Variants in MCMDC2 observed in about 807,000 individuals in gnomAD.
MCMDC2 encodes the protein minichromosome maintenance domain containing 2, also known as minichromosome maintenance domain-containing protein 2.
Under a neutral mutation model 75.8 loss-of-function variants are expected in MCMDC2, and 54 were observed. The observed-to-expected ratio is 0.71, with a 90% confidence interval of 0.57 to 0.89. The LOEUF (loss-of-function observed/expected upper bound fraction) is 0.89, where lower values mean the gene tolerates loss of function less well. MCMDC2 is among the 40% of genes least tolerant of loss of function. MCMDC2 has a pLI of 0.00. For synonymous variants in MCMDC2, 249 were observed against 274.6 expected, an observed-to-expected ratio of 0.91 and a Z score of 0.92; for missense variants, 656 against 780.4, an observed-to-expected ratio of 0.84 and a Z score of 1.90.
chr8:66,874,292 C>G, intron 2 of MCMDC2, 34 bp from the exon 3 acceptor site: 2 of 1,606,938 alleles, frequency 1.2e-6, no homozygotes, highest in Non-Finnish European at 8.5e-7. Context: ...CTACACATAG[C>G]TATCCTGACT....
At chr8:66,910,240 T>C (rs77784983) in intron 14 of MCMDC2, among the ~76,000 whole-genome samples, 20,309 of 152,186 alleles carry the variant, frequency 0.13, 2,620 homozygotes, top group African/African-American at 0.33. Flanking sequence ...GGGTTGGACC[T>C]CCCACACACA....
At position 66,921,940 on chromosome 8, in the gene MCMDC2, TAAAAG is replaced by T. The variant is rs764303674; in HGVS notation, c.*2776_*2780del. ...AGAATGGAGCTATTTAGAGTTGATT[TAAAAG>T]AAAACACTTTATTGTTCAGCAATTA... On this transcript the variant is annotated 3_prime_UTR_variant, in exon 15 of 15. Coordinates refer to ENST00000422365, the MANE Select transcript of MCMDC2 (RefSeq NM_173518.5). 1.3e-5 allele frequency: 2 copies of T among 152,638 alleles called. 1 individual carries two copies. The highest frequency in any genetic ancestry group is 4.1e-4 in the South Asian group (2 of 4,846). 9.5% of individuals were successfully genotyped at this position (152,638 alleles called of 1,614,324 possible).
At chr8:66,909,137 G>A (rs936101536) in intron 14 of MCMDC2, among the ~76,000 whole-genome samples, 4 of 152,164 alleles carry the variant, frequency 2.6e-5, no homozygotes, top group African/African-American at 9.7e-5. Flanking sequence ...TCGCTTGGCA[G>A]TTCTCCTTCC....
intron 12 of MCMDC2, among the ~76,000 whole-genome samples, chr8:66,897,280 A>G (rs1174760677): frequency 6.6e-6 from 1 of 151,688 alleles, no homozygotes; most frequent in African/African-American, 2.4e-5. Flanking sequence ...TGGTGGTGGC[A>G]CCTGTAATCC....
At chr8:66,907,643 C>A (rs759287549) in intron 14 of MCMDC2, among the ~76,000 whole-genome samples, 16 of 152,184 alleles carry the variant, frequency 1.1e-4, no homozygotes, top group African/African-American at 3.6e-4. Flanking sequence ...CTTGAGGAAT[C>A]GCCACACTGT....
downstream of MCMDC2, among the ~76,000 whole-genome samples, chr8:66,924,896 T>C (rs999210892): frequency 1.6e-4 from 24 of 152,172 alleles, no homozygotes; most frequent in Non-Finnish European, 3.2e-4. Context: ...TCGAGACTAG[T>C]AATGACTCAG....
chr8:66,917,951 A>G lies in MCMDC2; in HGVS notation c.1880-1052A>G, dbSNP rs145705963. ...AGTGAAAGTGCTGTATCATACAGTA[A>G]TTGTTTACTCTTTTTGATGAACCGC... On this transcript the variant is annotated intron_variant, in intron 14 of 14. Transcript: ENST00000422365. Among the ~76,000 whole-genome samples the G allele has an allele frequency of 2.6e-3, 401 of 152,228 alleles. 6 individuals are homozygous for G. Among genetic ancestry groups the G allele is most frequent in the African/African-American group, 9.1e-3 (378 of 41,518 alleles).
chr8:66,926,252 GT>G (rs1813710640), downstream of MCMDC2: 1 of 152,196 alleles, frequency 6.6e-6, no homozygotes, highest in Non-Finnish European at 1.5e-5. Context: ...TATTACTTCT[GT>G]TTTTCTCATT....
intron 12 of MCMDC2, among the ~76,000 whole-genome samples, chr8:66,897,233 C>T (rs1324158819): frequency 2.0e-5 from 3 of 151,682 alleles, no homozygotes; most frequent in Non-Finnish European, 4.4e-5. Flanking sequence ...ACAGTGAAAC[C>T]CCGTCTCTAC....
chr8:66,895,022 G>C (rs1183096365), intron 10 of MCMDC2, among the ~76,000 whole-genome samples: 3 of 152,178 alleles, frequency 2.0e-5, no homozygotes, highest in African/African-American at 7.2e-5. Context: ...TTCTCCAGGG[G>C]TTGGTTCCAG....
At position 66,921,165 on chromosome 8, in the gene MCMDC2, A is replaced by C. The variant is rs1563396194; in HGVS notation, c.*1996A>C. 1 of 152,200 alleles carries C rather than the reference A, an allele frequency of 6.6e-6. No individual in the cohort carries two copies. The highest frequency in any genetic ancestry group is 2.1e-4 in the South Asian group (1 of 4,834). 9.4% of individuals were successfully genotyped at this position (152,200 alleles called of 1,614,324 possible). A position where few individuals can be genotyped will look rare whatever the true frequency, so the allele number is the denominator to read the frequency against. ...TTTAAGTTTCTCATTAAAGAGTAGA[A>C]GTGTACATTCAGAAACAATTATGGG... On this transcript the variant is annotated 3_prime_UTR_variant, in exon 15 of 15. Transcript: ENST00000422365.
chr8:66,920,959 A>G lies in MCMDC2; in HGVS notation c.*1790A>G, dbSNP rs932773040. Reference sequence around the variant, plus strand: ...GGATTACAGGAGTGAGCCACCATGCATGGCACAAAGATGGCTTTTATTTAC... The same window carrying G: ...GGATTACAGGAGTGAGCCACCATGCGTGGCACAAAGATGGCTTTTATTTAC... On this transcript the variant is annotated 3_prime_UTR_variant, in exon 15 of 15. Coordinates refer to ENST00000422365, the MANE Select transcript of MCMDC2 (RefSeq NM_173518.5). 1 of 152,110 alleles carries G rather than the reference A, an allele frequency of 6.6e-6. No individual in the cohort carries two copies. Among genetic ancestry groups the G allele is most frequent in the African/African-American group, 2.4e-5 (1 of 41,416 alleles). 9.4% of individuals were successfully genotyped at this position (152,110 alleles called of 1,614,324 possible).
At chr8:66,901,120 A>G in intron 12 of MCMDC2, 86 bp from the exon 13 acceptor site, 1 of 972,892 alleles carries the variant, frequency 1.0e-6, no homozygotes, top group Non-Finnish European at 1.6e-6. Context: ...CAAACTTGTA[A>G]AAATAAAGTG....
At chr8:66,906,683 A>G (rs1812914616) in intron 14 of MCMDC2, among the ~76,000 whole-genome samples, 1 of 151,972 alleles carries the variant, frequency 6.6e-6, no homozygotes, top group African/African-American at 2.4e-5. Context: ...ACCAATACTA[A>G]ATAATAGTTA....
chr8:66,905,400 T>C (rs749124280), intron 14 of MCMDC2, 65 bp downstream of exon 14: 3 of 1,236,656 alleles, frequency 2.4e-6, no homozygotes. Context: ...TATTCTTAGT[T>C]GGTTAAATTA....
intron 14 of MCMDC2, among the ~76,000 whole-genome samples, chr8:66,918,378 T>C (rs1813398910): frequency 6.6e-6 from 1 of 152,218 alleles, no homozygotes; most frequent in African/African-American, 2.4e-5. Context: ...GTCCCATTTA[T>C]GTGTATTTTC....
downstream of MCMDC2, chr8:66,922,550 G>A (rs771314711): frequency 1.5e-5 from 8 of 518,606 alleles, no homozygotes; most frequent in Non-Finnish European, 3.1e-5. Context: ...TCATCATTGT[G>A]CCAGCTATTA....
In MCMDC2 at chr8:66,906,004, C is replaced by CA. The variant is rs1216287591; in HGVS notation, c.1879+684dup. Reference sequence around the variant, plus strand: ...TGGGTGACAGAGTGAGACTCCATCTCAAAAAAAAAAAAAAAGAAAGAAAGA... The same window carrying CA: ...TGGGTGACAGAGTGAGACTCCATCTCAAAAAAAAAAAAAAAAGAAAGAAAGA... On this transcript the variant is annotated intron_variant, in intron 14 of 14. Transcript: ENST00000422365. Among the ~76,000 whole-genome samples, 355 of 71,106 alleles carry CA rather than the reference C, an allele frequency of 5.0e-3. 1 individual carries two copies. The highest frequency in any genetic ancestry group is 0.013 in the African/African-American group (242 of 18,634). 46.6% of individuals were successfully genotyped at this position (71,106 alleles called of 152,430 possible). A position where few individuals can be genotyped will look rare whatever the true frequency, so the allele number is the denominator to read the frequency against.
At chr8:66,893,182 G>C (rs1329999566) in intron 10 of MCMDC2, among the ~76,000 whole-genome samples, 4 of 152,156 alleles carry the variant, frequency 2.6e-5, no homozygotes, top group Non-Finnish European at 4.4e-5. Context: ...AGTGTGCTCA[G>C]GGCACATAGC....
Sources: allele counts gnomAD v4.1 joint callset (sites outside exome capture counted in the v4.1 genomes callset), GRCh38; gene constraint gnomAD v4.1.1; transcripts MANE v1.5; gene names NCBI Gene and HGNC (gene_info 2026-07-23, HGNC 2026-07-21).